The following PLCXD3 variants were observed in gnomAD, a reference collection of about 807,000 sequenced individuals.
PLCXD3 encodes PI-PLC X domain-containing protein 3.
PLCXD3 carries 19 observed loss-of-function variants against 25.5 expected under a neutral mutation model. The ratio of observed to expected loss-of-function variants is 0.75; its 90% CI spans 0.52 to 1.09. The LOEUF is 1.09. PLCXD3 is among the 50% of genes least tolerant of loss of function. The probability of loss-of-function intolerance (pLI) is 0.00; values close to 1 mark genes in which losing one functional copy is unlikely to be tolerated. For missense variants in PLCXD3, 411 were observed against 388.1 expected, an observed-to-expected ratio of 1.06 and a Z score of -0.50; for synonymous variants, 174 against 137.6, an observed-to-expected ratio of 1.26 and a Z score of -1.85.
intron 2 of PLCXD3, 96 bp downstream of exon 2, chr5:41,381,729 AT>A: frequency 8.7e-7 from 1 of 1,147,172 alleles, no homozygotes; most frequent in East Asian, 2.4e-5. Flanking sequence ...CAGGGACCTA[AT>A]ATACATAGGT....
Position 41,443,060 on chromosome 5 carries a change from T to C in PLCXD3, c.104-60526A>G, listed in dbSNP as rs974280324. On this transcript the variant is annotated intron_variant, in intron 1 of 2. Transcript: ENST00000377801. Reference sequence around the variant, plus strand: ...ATTGTATACATATATAATAATAATATATAATTATACATATCCAGAGGCTGT... The same window carrying C: ...ATTGTATACATATATAATAATAATACATAATTATACATATCCAGAGGCTGT... Among the ~76,000 whole-genome samples, 6 of 148,648 alleles carry C rather than the reference T, an allele frequency of 4.0e-5. No homozygotes were observed. In the Admixed American group the frequency reaches 4.1e-4, roughly 10 times the overall value.
intron 1 of PLCXD3, among the ~76,000 whole-genome samples, chr5:41,393,728 G>T (rs1745907397): frequency 6.6e-6 from 1 of 151,818 alleles, no homozygotes; most frequent in Non-Finnish European, 1.5e-5. Context: ...GACCATCCTG[G>T]CTAACATGGT....
At chr5:41,362,945 C>T (rs547116076) in intron 2 of PLCXD3, among the ~76,000 whole-genome samples, 4 of 152,264 alleles carry the variant, frequency 2.6e-5, no homozygotes, top group South Asian at 2.1e-4. Context: ...TCAAATGAAA[C>T]TAGTGTTTAG....
chr5:41,417,909 A>G (rs1366444654), intron 1 of PLCXD3, among the ~76,000 whole-genome samples: 1 of 152,240 alleles, frequency 6.6e-6, no homozygotes, highest in Non-Finnish European at 1.5e-5. Context: ...CATGGGCCAA[A>G]GAAAATAGAA....
intron 1 of PLCXD3, among the ~76,000 whole-genome samples, chr5:41,507,522 C>A (rs372109650): frequency 4.6e-5 from 7 of 152,176 alleles, no homozygotes. Flanking sequence ...ACTCTGAAAC[C>A]ATTCAAACTG....
intron 1 of PLCXD3, among the ~76,000 whole-genome samples, chr5:41,468,009 C>CTTTTTTTTTTTTTT (rs145732089): frequency 5.7e-5 from 3 of 52,404 alleles, no homozygotes; most frequent in Non-Finnish European, 9.6e-5. Flanking sequence ...CAGCTTTATT[C>CTTTTTTTTTTTTTT]TTTTTTTTTT....
At chr5:41,364,419 T>C (rs1316981082) in intron 2 of PLCXD3, among the ~76,000 whole-genome samples, 1 of 152,194 alleles carries the variant, frequency 6.6e-6, no homozygotes, top group Admixed American at 6.5e-5. Context: ...TTTTTTTCCA[T>C]GCTATTTTGC....
At chr5:41,369,562 C>A (rs1280682016) in intron 2 of PLCXD3, among the ~76,000 whole-genome samples, 2 of 152,120 alleles carry the variant, frequency 1.3e-5, no homozygotes, top group Non-Finnish European at 2.9e-5. Context: ...TCCACTGCAA[C>A]CCCGGCCTCC....
At position 41,390,403 on chromosome 5, in the gene PLCXD3, T is replaced by C. The variant is rs146510781; in HGVS notation, c.104-7869A>G. ...GGAGTAGAATTGCTAGGGTAAATGGTATTTGTTTTACCTTTTAAGAAATTG... is the reference window on the plus strand; with the variant it reads ...GGAGTAGAATTGCTAGGGTAAATGGCATTTGTTTTACCTTTTAAGAAATTG... On this transcript the variant is annotated intron_variant, in intron 1 of 2. Transcript: ENST00000377801. Among the ~76,000 whole-genome samples the C allele has an allele frequency of 7.9e-4, 120 of 152,242 alleles. 1 individual carries two copies. In the East Asian group the frequency reaches 0.022, roughly 28 times the overall value.
At chr5:41,365,866 TA>T (rs1744920571) in intron 2 of PLCXD3, among the ~76,000 whole-genome samples, 1 of 152,076 alleles carries the variant, frequency 6.6e-6, no homozygotes, top group Non-Finnish European at 1.5e-5. Flanking sequence ...TTTTGTAAAA[TA>T]GAGTTTTGAA....
At chr5:41,437,047 A>T (rs1342274769) in intron 1 of PLCXD3, among the ~76,000 whole-genome samples, 1 of 152,352 alleles carries the variant, frequency 6.6e-6, no homozygotes. Flanking sequence ...TGAACTTGTG[A>T]TTGAAATGTT....
intron 1 of PLCXD3, among the ~76,000 whole-genome samples, chr5:41,483,260 T>A (rs1748451155): frequency 6.6e-6 from 1 of 152,126 alleles, no homozygotes; most frequent in African/African-American, 2.4e-5. Flanking sequence ...TAACAAAATT[T>A]AAAAAAATCC....
intron 1 of PLCXD3, among the ~76,000 whole-genome samples, chr5:41,426,853 G>A (rs1203391149): frequency 6.6e-6 from 1 of 151,936 alleles, no homozygotes. Context: ...TATTTTTTCT[G>A]AAAATGTCTA....
chr5:41,427,797 G>A (rs1746997148), intron 1 of PLCXD3, among the ~76,000 whole-genome samples: 1 of 152,078 alleles, frequency 6.6e-6, no homozygotes, highest in Non-Finnish European at 1.5e-5. Context: ...CATTCACATG[G>A]GAACAACTCT....
chr5:41,352,346 C>T lies in PLCXD3; in HGVS notation c.812+29480G>A, dbSNP rs374658926. Among the ~76,000 whole-genome samples the T allele has an allele frequency of 3.9e-4, 60 of 152,238 alleles. 3 individuals carry two copies. The South Asian group carries it at 0.012, about 32-fold the overall frequency. ...TCTGCCTCAAGAGTTCTCTTTTTCCCCAGGTTCACCTGGCAAATTTCTACT... is the reference window on the plus strand; with the variant it reads ...TCTGCCTCAAGAGTTCTCTTTTTCCTCAGGTTCACCTGGCAAATTTCTACT... On this transcript the variant is annotated intron_variant, in intron 2 of 2. Transcript: ENST00000377801.
chr5:41,379,076 T>C (rs570039926), intron 2 of PLCXD3, among the ~76,000 whole-genome samples: 1 of 151,888 alleles, frequency 6.6e-6, no homozygotes, highest in Non-Finnish European at 1.5e-5. Flanking sequence ...CTGGAAGAGG[T>C]CATAGGAAGA....
intron 1 of PLCXD3, among the ~76,000 whole-genome samples, chr5:41,501,306 T>C (rs1748945297): frequency 6.6e-6 from 1 of 152,046 alleles, no homozygotes; most frequent in East Asian, 1.9e-4. Flanking sequence ...TATCAATGGA[T>C]GAATGGATTA....
rs1473190610 is a variant in PLCXD3 at position 41,311,917 on chromosome 5, CT to C, written c.*1699del. 6.6e-6 allele frequency: 1 copy of C among 152,470 alleles called. No individual in the cohort carries two copies. Among genetic ancestry groups the C allele is most frequent in the Non-Finnish European group, 1.5e-5 (1 of 67,996 alleles). The allele number at this position is 152,470 out of a possible 1,614,324, so 9.4% of individuals were successfully genotyped here. ...AAGCTGAGGGCATGCTTTTATTTCT[CT>C]ATGACCCTACTTTGCATGGACTGTA... is the stretch of plus-strand genomic sequence containing the variant. On this transcript the variant is annotated 3_prime_UTR_variant, in exon 3 of 3. Coordinates refer to ENST00000377801, the MANE Select transcript of PLCXD3 (RefSeq NM_001005473.3).
At chr5:41,478,994 C>T (rs1779932764) in intron 1 of PLCXD3, among the ~76,000 whole-genome samples, 1 of 152,140 alleles carries the variant, frequency 6.6e-6, no homozygotes, top group South Asian at 2.1e-4. Context: ...ATGATTCAAT[C>T]ACATCTGACA....
Sources: allele counts gnomAD v4.1 joint callset (sites outside exome capture counted in the v4.1 genomes callset), GRCh38; gene constraint gnomAD v4.1.1; transcripts MANE v1.5; gene names NCBI Gene and HGNC (gene_info 2026-07-23, HGNC 2026-07-21).